PPARGC1A: variants seen among roughly 807,000 people sequenced by gnomAD.
The protein encoded by PPARGC1A is peroxisome proliferator-activated receptor gamma coactivator 1-alpha.
In PPARGC1A, 25 loss-of-function variants were observed where a neutral mutation model predicts 88.7. The observed-to-expected ratio is 0.28, with a 90% CI of 0.21 to 0.39. The LOEUF is 0.39. Ranked by LOEUF, PPARGC1A falls within the 10% of genes least tolerant of loss-of-function variation. The pLI is 1.00. For synonymous variants in PPARGC1A, 363 were observed against 355.6 expected, an observed-to-expected ratio of 1.02 and a Z score of -0.24; for missense variants, 880 against 968.7, an observed-to-expected ratio of 0.91 and a Z score of 1.22.
At chr4:24,010,998 G>T in the PPARGC1A span, among the ~76,000 whole-genome samples, 3 of 152,056 alleles carry the variant, frequency 2.0e-5, no homozygotes, top group African/African-American at 7.2e-5. Context: ...GATAATGAGG[G>T]GTAGTGGGTT....
chr4:24,096,571 A>G, the PPARGC1A span, among the ~76,000 whole-genome samples: 9 of 152,340 alleles, frequency 5.9e-5, no homozygotes, highest in Admixed American at 5.9e-4. Context: ...CAAGAATGTA[A>G]TATTTAAGTA....
chr4:24,050,224 C>A, the PPARGC1A span, among the ~76,000 whole-genome samples: 7 of 110,098 alleles, frequency 6.4e-5, no homozygotes, highest in South Asian at 2.2e-3. Flanking sequence ...GAGATGGAGT[C>A]TTGCTCTGTC....
At chr4:24,161,266 G>A in the PPARGC1A span, among the ~76,000 whole-genome samples, 1 of 152,188 alleles carries the variant, frequency 6.6e-6, no homozygotes, top group African/African-American at 2.4e-5. Context: ...ATCTAGCTAT[G>A]TACTCTCCCA....
the PPARGC1A span, among the ~76,000 whole-genome samples, chr4:24,442,407 G>T: frequency 6.6e-6 from 1 of 152,246 alleles, no homozygotes; most frequent in Admixed American, 6.5e-5. Context: ...AAAATGTGGG[G>T]CTGCATGGAT....
the PPARGC1A span, among the ~76,000 whole-genome samples, chr4:24,290,472 A>T: frequency 5.9e-5 from 9 of 152,136 alleles, no homozygotes; most frequent in Non-Finnish European, 1.2e-4. Context: ...CCATTTCCTC[A>T]TCTATAAAAT....
chr4:24,098,172 T>C, the PPARGC1A span, among the ~76,000 whole-genome samples: 8 of 152,234 alleles, frequency 5.3e-5, no homozygotes, highest in Admixed American at 2.0e-4. Flanking sequence ...ACTCAGGTTG[T>C]TGGACATTGT....
At chr4:24,305,450 G>C in the PPARGC1A span, among the ~76,000 whole-genome samples, 1 of 152,060 alleles carries the variant, frequency 6.6e-6, no homozygotes, top group East Asian at 1.9e-4. Flanking sequence ...CATCTACGTT[G>C]CAAAGTGTTA....
At chr4:23,858,511 T>C (rs1730612842) in intron 2 of PPARGC1A, among the ~76,000 whole-genome samples, 1 of 152,198 alleles carries the variant, frequency 6.6e-6, no homozygotes, top group African/African-American at 2.4e-5. Context: ...CTTGCTACCA[T>C]TGCCTTTAGG....
At chr4:23,949,711 A>G in the PPARGC1A span, among the ~76,000 whole-genome samples, 1 of 152,230 alleles carries the variant, frequency 6.6e-6, no homozygotes, top group East Asian at 1.9e-4. Flanking sequence ...GAGGTGCCAC[A>G]AGGTTCAATG....
At chr4:24,452,006 T>C in the PPARGC1A span, among the ~76,000 whole-genome samples, 1 of 152,096 alleles carries the variant, frequency 6.6e-6, no homozygotes, top group Non-Finnish European at 1.5e-5. Context: ...GGACTTTGAG[T>C]AAAACAGATT....
the PPARGC1A span, among the ~76,000 whole-genome samples, chr4:23,982,476 T>C: frequency 1.3e-5 from 2 of 151,954 alleles, no homozygotes; most frequent in African/African-American, 2.4e-5. Flanking sequence ...CACACCCACA[T>C]CCCATTGACT....
the PPARGC1A span, among the ~76,000 whole-genome samples, chr4:24,323,498 C>G: frequency 6.6e-6 from 1 of 152,216 alleles, no homozygotes; most frequent in Non-Finnish European, 1.5e-5. Context: ...GAAGCTCCCC[C>G]ACTGAGCACC....
intron 1 of PPARGC1A, 35 bp from the exon 2 acceptor site, chr4:23,884,966 T>C (rs1275258715): frequency 1.3e-6 from 2 of 1,500,762 alleles, no homozygotes; most frequent in South Asian, 1.4e-5. Context: ...TTAAAAAAGC[T>C]TCCATTAACC....
the PPARGC1A span, among the ~76,000 whole-genome samples, chr4:24,387,928 A>AAGAT: frequency 2.9e-4 from 23 of 79,626 alleles, no homozygotes; most frequent in Non-Finnish European, 4.2e-4. Flanking sequence ...GAAAGAAAGA[A>AAGAT]AGAAAGAGAA....
At chr4:24,372,007 A>C in the PPARGC1A span, among the ~76,000 whole-genome samples, 1 of 151,958 alleles carries the variant, frequency 6.6e-6, no homozygotes, top group African/African-American at 2.4e-5. Flanking sequence ...CTCTTCTGAA[A>C]CTCCCTAGTG....
the PPARGC1A span, among the ~76,000 whole-genome samples, chr4:23,984,628 G>C: frequency 1.3e-5 from 2 of 152,058 alleles, no homozygotes; most frequent in Admixed American, 1.3e-4. Context: ...GTAAAGCCAG[G>C]TGTATAATCA....
At chr4:24,087,335 C>T in the PPARGC1A span, among the ~76,000 whole-genome samples, 2 of 152,256 alleles carry the variant, frequency 1.3e-5, no homozygotes, top group African/African-American at 4.8e-5. Flanking sequence ...GGGCTTATTG[C>T]GCACCAGGCT....
the PPARGC1A span, among the ~76,000 whole-genome samples, chr4:24,138,287 C>T: frequency 6.6e-6 from 1 of 152,184 alleles, no homozygotes; most frequent in Non-Finnish European, 1.5e-5. Flanking sequence ...CCACCCACAG[C>T]CTGTTCCAAG....
the PPARGC1A span, among the ~76,000 whole-genome samples, chr4:24,037,938 G>A: frequency 6.6e-6 from 1 of 152,156 alleles, no homozygotes; most frequent in Non-Finnish European, 1.5e-5. Context: ...AAAATTTTGT[G>A]TTGACCTAAA....
Sources: gnomAD v4.1 joint callset for allele counts (sites outside exome capture counted in the v4.1 genomes callset) on GRCh38, gnomAD v4.1.1 for gene constraint, MANE v1.5 for transcripts, NCBI Gene and HGNC (gene_info 2026-07-23, HGNC 2026-07-21) for gene names.